The following GPC6 variants were observed in gnomAD, a reference collection of about 807,000 sequenced individuals.
The protein encoded by GPC6 is glypican-6.
A neutral mutation model predicts 55.2 loss-of-function variants in GPC6; 14 were observed. The observed-to-expected ratio is 0.25, with a 90% CI of 0.17 to 0.40. The LOEUF (loss-of-function observed/expected upper bound fraction) is 0.40, where lower values mean the gene tolerates loss of function less well. Among genes scored for constraint, GPC6 ranks in the 10% least tolerant of loss-of-function variants. The probability of loss-of-function intolerance (pLI) is 1.00; values close to 1 mark genes in which losing one functional copy is unlikely to be tolerated. For missense variants in GPC6, 641 were observed against 708.5 expected (o/e 0.90, Z 1.08); for synonymous variants, 278 against 259.6 (o/e 1.07, Z -0.68).
intron 4 of GPC6, among the ~76,000 whole-genome samples, chr13:94,168,338 A>G (rs1235987740): frequency 6.6e-6 from 1 of 152,192 alleles, no homozygotes; most frequent in Non-Finnish European, 1.5e-5. Flanking sequence ...GCTCACGCAT[A>G]GATTTGTTGG....
intron 2 of GPC6, among the ~76,000 whole-genome samples, chr13:93,692,072 T>A (rs900737907): frequency 2.0e-5 from 3 of 152,086 alleles, no homozygotes; most frequent in Non-Finnish European, 4.4e-5. Context: ...TTCAGTAGTA[T>A]GTGTAAAGTC....
intron 1 of GPC6, among the ~76,000 whole-genome samples, chr13:93,288,334 C>G (rs773242790): frequency 6.6e-6 from 1 of 152,068 alleles, no homozygotes; most frequent in Non-Finnish European, 1.5e-5. Flanking sequence ...CAGTAGTGTT[C>G]TATATCAACT....
At chr13:94,233,274 A>G (rs1166318380) in intron 4 of GPC6, among the ~76,000 whole-genome samples, 2 of 152,058 alleles carry the variant, frequency 1.3e-5, no homozygotes, top group Non-Finnish European at 2.9e-5. Context: ...AAACAAACAA[A>G]CAACAATAAC....
chr13:93,304,649 G>A (rs760855947), intron 1 of GPC6, among the ~76,000 whole-genome samples: 9 of 152,192 alleles, frequency 5.9e-5, no homozygotes, highest in Non-Finnish European at 1.5e-5. Context: ...GATTTCATTC[G>A]AGGTACTGCA....
intron 1 of GPC6, among the ~76,000 whole-genome samples, chr13:93,437,675 G>A (rs866087785): frequency 1.1e-4 from 17 of 152,136 alleles, no homozygotes; most frequent in African/African-American, 3.9e-4. Flanking sequence ...TGATATTGAA[G>A]GAAGGAAGCC....
chr13:93,535,158 G>T (rs1882005986), intron 1 of GPC6, among the ~76,000 whole-genome samples: 1 of 152,120 alleles, frequency 6.6e-6, no homozygotes, highest in Admixed American at 6.6e-5. Context: ...GCTAAGTGTT[G>T]TGTCTAATTA....
At chr13:93,449,785 GCC>G (rs1323962180) in intron 1 of GPC6, among the ~76,000 whole-genome samples, 3 of 151,356 alleles carry the variant, frequency 2.0e-5, no homozygotes, top group Non-Finnish European at 4.4e-5. Context: ...CTGAGATGGT[GCC>G]ACTGCACTCC....
intron 4 of GPC6, among the ~76,000 whole-genome samples, chr13:94,283,227 A>G (rs1892437299): frequency 6.6e-6 from 1 of 152,164 alleles, no homozygotes; most frequent in Non-Finnish European, 1.5e-5. Context: ...CTTTGTTATG[A>G]GCTAATTTTG....
chr13:94,215,211 G>A (rs563461988), intron 4 of GPC6, among the ~76,000 whole-genome samples: 3 of 152,222 alleles, frequency 2.0e-5, no homozygotes, highest in African/African-American at 4.8e-5. Context: ...ATTTTAGGTT[G>A]ATAAAAATCA....
At chr13:94,101,311 T>C (rs1484516118) in intron 4 of GPC6, among the ~76,000 whole-genome samples, 3 of 152,126 alleles carry the variant, frequency 2.0e-5, no homozygotes, top group Admixed American at 6.6e-5. Context: ...GGTACTGAAT[T>C]GTTCCATGTT....
intron 2 of GPC6, among the ~76,000 whole-genome samples, chr13:93,684,616 T>G (rs1424872847): frequency 6.6e-6 from 1 of 152,238 alleles, no homozygotes; most frequent in East Asian, 1.9e-4. Flanking sequence ...AAGTTTTTTA[T>G]AATGTCACTG....
intron 7 of GPC6, among the ~76,000 whole-genome samples, chr13:94,391,369 G>T (rs6492700): frequency 0.66 from 100,699 of 152,030 alleles, 33,830 homozygotes; most frequent in African/African-American, 0.76. Flanking sequence ...GTCACACTGC[G>T]GGGTCCCAGA....
At chr13:94,113,210 T>C (rs1255794504) in intron 4 of GPC6, among the ~76,000 whole-genome samples, 1 of 152,152 alleles carries the variant, frequency 6.6e-6, no homozygotes, top group Non-Finnish European at 1.5e-5. Flanking sequence ...TGACAGACTT[T>C]TCAGCCATAA....
intron 4 of GPC6, among the ~76,000 whole-genome samples, chr13:94,034,374 G>A (rs1236834833): frequency 6.6e-6 from 1 of 152,122 alleles, no homozygotes; most frequent in Non-Finnish European, 1.5e-5. Flanking sequence ...GTTTTTATGT[G>A]ATACAATAGG....
chr13:93,487,603 G>C (rs2139350232), intron 1 of GPC6, among the ~76,000 whole-genome samples: 1 of 152,210 alleles, frequency 6.6e-6, no homozygotes, highest in Middle Eastern at 3.4e-3. Flanking sequence ...TTGGATTGAG[G>C]GTTGATCATG....
intron 1 of GPC6, among the ~76,000 whole-genome samples, chr13:93,372,900 T>C (rs1339610236): frequency 6.6e-6 from 1 of 152,190 alleles, no homozygotes; most frequent in African/African-American, 2.4e-5. Context: ...GGTTTGTATT[T>C]GTTTGTAATT....
intron 1 of GPC6, among the ~76,000 whole-genome samples, chr13:93,382,020 A>G (rs1178565164): frequency 6.6e-6 from 1 of 152,190 alleles, no homozygotes; most frequent in Admixed American, 6.5e-5. Flanking sequence ...ACTTTAATGA[A>G]TATATATTTA....
At chr13:93,231,361 G>GTATATATATATATATACA (rs1876018983) in intron 1 of GPC6, among the ~76,000 whole-genome samples, 2 of 86,244 alleles carry the variant, frequency 2.3e-5, no homozygotes, top group South Asian at 3.7e-4. Flanking sequence ...ATATATATAC[G>GTATATATATATATATACA]TATATATATA....
At chr13:94,289,137 GA>G (rs1874801482) in intron 5 of GPC6, among the ~76,000 whole-genome samples, 1 of 150,982 alleles carries the variant, frequency 6.6e-6, no homozygotes, top group East Asian at 2.0e-4. Flanking sequence ...ACATAATGAA[GA>G]AAAAAAGGAA....
Sources: allele counts gnomAD v4.1 joint callset (sites outside exome capture counted in the v4.1 genomes callset), GRCh38; gene constraint gnomAD v4.1.1; transcripts MANE v1.5; gene names NCBI Gene and HGNC (gene_info 2026-07-23, HGNC 2026-07-21).